The following ZDHHC11 variants were observed in gnomAD, a reference collection of about 807,000 sequenced individuals.
ZDHHC11 encodes the protein palmitoyltransferase ZDHHC11.
Under a neutral mutation model 51.3 loss-of-function variants are expected in ZDHHC11, and 44 were observed. The observed-to-expected ratio is 0.86, with a 90% CI of 0.67 to 1.10. The LOEUF is 1.10. ZDHHC11 is among the 50% of genes least tolerant of loss of function. ZDHHC11 has a pLI of 0.00. For missense variants in ZDHHC11, 400 were observed against 537.7 expected (o/e 0.74, Z 2.53); for synonymous variants, 163 against 222.0 (o/e 0.73, Z 2.36).
In ZDHHC11 at chr5:850,907, T is replaced by G. The variant is rs1030717135; in HGVS notation, c.-305A>C. The G allele has an allele frequency of 4.6e-6, 2 of 437,068 alleles. No individual in the cohort carries two copies. The highest frequency in any genetic ancestry group is 4.3e-5 in the African/African-American group (1 of 23,116). 27.1% of individuals were successfully genotyped at this position (437,068 alleles called of 1,614,324 possible). ...GACCCAGTGCCCGCGCGACCGCCCA[T>G]CAGTTCCCCTGAGGATTTGTTACGT... On this transcript the variant is annotated 5_prime_UTR_variant, in exon 1 of 13. It removes an upstream start codon present in the reference 5' UTR. Transcript: ENST00000283441.
At position 838,337 on chromosome 5, in the gene ZDHHC11, T is replaced by C. The variant is rs1478496706; in HGVS notation, c.785-857A>G. Among the ~76,000 whole-genome samples the C allele has an allele frequency of 5.3e-4, 80 of 152,014 alleles. 1 individual carries two copies. Among genetic ancestry groups the C allele is most frequent in the African/African-American group, 1.9e-3 (77 of 41,416 alleles). On this transcript the variant is annotated intron_variant, in intron 5 of 12. Transcript: ENST00000283441. ...CACCTATTTCAGCCACGAGCTTCCA[T>C]GGAGGGGCCAAACTCTCCATGCTTC...
upstream of ZDHHC11, among the ~76,000 whole-genome samples, chr5:855,183 CG>C (rs1406740521): frequency 7.1e-6 from 1 of 140,250 alleles, no homozygotes; most frequent in African/African-American, 2.7e-5. Context: ...AACAGAGAGC[CG>C]GGGAGACAGA....
At chr5:834,769 G>T (rs1185999666) in intron 6 of ZDHHC11, among the ~76,000 whole-genome samples, 1 of 150,222 alleles carries the variant, frequency 6.7e-6, no homozygotes, top group Non-Finnish European at 1.5e-5. Flanking sequence ...CACTTCAATT[G>T]TCTGTGTAAG....
intron 3 of ZDHHC11, among the ~76,000 whole-genome samples, 191 bp downstream of exon 3, chr5:847,323 G>A (rs1341854687): frequency 1.3e-5 from 2 of 151,736 alleles, no homozygotes; most frequent in African/African-American, 4.8e-5. Context: ...TCCAGGGACG[G>A]CTGCACCACA....
In ZDHHC11 at chr5:801,099, C is replaced by A; in HGVS notation, c.*7+1G>T. On this transcript the variant is annotated splice_donor_variant, in intron 12 of 12. Coordinates refer to ENST00000283441, the MANE Select transcript of ZDHHC11 (RefSeq NM_024786.3). LOFTEE classifies it low-confidence loss of function (3UTR_SPLICE). ...ATGACCCGCACTGCCACGTATCTTA[C>A]CTGAATCTCAGTCTTCACTTTCAGC... 1 of 1,609,932 alleles carries A rather than the reference C, an allele frequency of 6.2e-7. No individual in the cohort carries two copies. The highest frequency in any genetic ancestry group is 8.5e-7 in the Non-Finnish European group (1 of 1,176,820).
chr5:819,121 T>C (rs751361855), intron 10 of ZDHHC11, among the ~76,000 whole-genome samples: 6 of 151,602 alleles, frequency 4.0e-5, no homozygotes, highest in Non-Finnish European at 8.9e-5. Flanking sequence ...ACACACAGTC[T>C]TTCCTAAGCA....
chr5:855,828 C>CG (rs1490391166), upstream of ZDHHC11, among the ~76,000 whole-genome samples: 1 of 141,488 alleles, frequency 7.1e-6, no homozygotes, highest in African/African-American at 2.8e-5. Context: ...GACAGTGAGC[C>CG]GGGGGGCACA....
chr5:823,789 T>C (rs1190009993), intron 8 of ZDHHC11: 4 of 306,212 alleles, frequency 1.3e-5, no homozygotes, highest in African/African-American at 6.5e-5. Context: ...GCAGAGACAC[T>C]GAGGGGACTC....
Position 825,244 on chromosome 5 carries a change from C to G in ZDHHC11, c.943G>C (p.Ala315Pro). 6.2e-7 allele frequency: 1 copy of G among 1,612,526 alleles called. No individual in the cohort carries two copies. The highest frequency in any genetic ancestry group is 8.5e-7 in the Non-Finnish European group (1 of 1,178,954). Residue 315 changes from alanine (A) to proline (P), a missense_variant, in exon 8 of 13, where the codon GCC becomes CCC. By Grantham distance (27) the Ala-to-Pro change is conservative (BLOSUM62 -1). Around this residue, in one of 5 missense-constraint regions of ZDHHC11, gnomAD observed 231 missense variants for 227.4 expected, o/e 1.02. Coordinates refer to ENST00000283441, the MANE Select transcript of ZDHHC11 (RefSeq NM_024786.3). ...ALGSSAQGVK[A>P]KSSLLIHKHL... Reference sequence around the variant, plus strand: ...TTGTGAATCAGCAGGGAGCTCTTGGCTTTGACTCTGGTGGGACAGAAAGGA... The same window carrying G: ...TTGTGAATCAGCAGGGAGCTCTTGGGTTTGACTCTGGTGGGACAGAAAGGA...
chr5:816,265 T>C (rs1740770703), intron 10 of ZDHHC11: 1 of 247,786 alleles, frequency 4.0e-6, no homozygotes, highest in Non-Finnish European at 8.1e-6. Context: ...GGAAATAATG[T>C]TTTTGGGATC....
intron 11 of ZDHHC11, among the ~76,000 whole-genome samples, chr5:802,139 G>A (rs537424378): frequency 6.6e-6 from 1 of 151,442 alleles, no homozygotes; most frequent in South Asian, 2.1e-4. Context: ...TCCTGATGGG[G>A]TGATTAGCTG....
In ZDHHC11 at chr5:833,332, G is replaced by C. The variant is rs1743310858; in HGVS notation, c.935+441C>G. ...AGCCAGCCCTGGCCCTGTTGGGTGG[G>C]GCTCCGGGTCAAGGCACCCCCAGTG... is the stretch of plus-strand genomic sequence containing the variant. On this transcript the variant is annotated intron_variant, in intron 7 of 12. Coordinates refer to ENST00000283441, the MANE Select transcript of ZDHHC11 (RefSeq NM_024786.3). Among the ~76,000 whole-genome samples, 13 of 150,446 alleles carry C rather than the reference G, an allele frequency of 8.6e-5. No individual in the cohort carries two copies. The South Asian group carries it at 2.7e-3, about 31-fold the overall frequency.
intron 11 of ZDHHC11, among the ~76,000 whole-genome samples, chr5:804,832 A>T (rs1245619937): frequency 6.6e-6 from 1 of 151,290 alleles, no homozygotes; most frequent in Non-Finnish European, 1.5e-5. Flanking sequence ...CATTATCAGC[A>T]GACCTACCCT....
chr5:799,143 C>A (rs1223085040), intron 12 of ZDHHC11, among the ~76,000 whole-genome samples: 1 of 152,020 alleles, frequency 6.6e-6, no homozygotes, highest in Non-Finnish European at 1.5e-5. Flanking sequence ...TGGGGCTGGA[C>A]CCCCTATGAA....
Position 837,392 on chromosome 5 carries a change from G to T in ZDHHC11, c.873C>A (p.Tyr291Ter), listed in dbSNP as rs141928810. The change falls in exon 6 of 13, where the codon TAC becomes TAA. Residue 291 changes from tyrosine to a stop codon, truncating the protein, a stop_gained. Coordinates refer to ENST00000283441, the MANE Select transcript of ZDHHC11 (RefSeq NM_024786.3). LOFTEE classifies it high-confidence loss of function. ...GGAGAACTCCTTTGTCCATTTGCAC[G>T]TATGGATCTTTCCTCACTGCTTGAT... Reference protein sequence around the residue: ...SKHQAVRKDPYVQMDKGVLQQ... With the variant: ...SKHQAVRKDP 2.2e-5 allele frequency: 36 copies of T among 1,613,668 alleles called. No individual in the cohort carries two copies. Among genetic ancestry groups the T allele is most frequent in the Non-Finnish European group, 3.0e-5 (35 of 1,179,692 alleles).
intron 3 of ZDHHC11, among the ~76,000 whole-genome samples, chr5:844,785 A>G (rs1745851271): frequency 1.3e-5 from 2 of 152,300 alleles, no homozygotes; most frequent in Non-Finnish European, 2.9e-5. Flanking sequence ...GCCAAAAGCG[A>G]TGTCCATGCT....
chr5:837,538 C>T, intron 5 of ZDHHC11, 58 bp from the exon 6 acceptor site: 3 of 1,562,180 alleles, frequency 1.9e-6, no homozygotes, highest in East Asian at 2.2e-5. Flanking sequence ...TTGCACGGCG[C>T]CCACAGGACA....
intron 12 of ZDHHC11, among the ~76,000 whole-genome samples, chr5:800,876 G>C (rs1361405528): frequency 1.3e-5 from 2 of 151,274 alleles, no homozygotes; most frequent in Non-Finnish European, 3.0e-5. Flanking sequence ...TTACTGCCTA[G>C]AAAATAAAGA....
intron 12 of ZDHHC11, among the ~76,000 whole-genome samples, chr5:799,986 C>A (rs1240425772): frequency 6.6e-6 from 1 of 151,212 alleles, no homozygotes; most frequent in African/African-American, 2.4e-5. Context: ...TTCTAGAGAA[C>A]AATTTTCACA....
Sources: allele counts gnomAD v4.1 joint callset (sites outside exome capture counted in the v4.1 genomes callset), GRCh38; gene constraint gnomAD v4.1.1; regional missense constraint gnomAD v4.1.1; transcripts MANE v1.5; gene names NCBI Gene and HGNC (gene_info 2026-07-23, HGNC 2026-07-21).